RANBP17: variants seen among roughly 807,000 people sequenced by gnomAD.
RANBP17 encodes the protein ran-binding protein 17.
Under a neutral mutation model 141.2 loss-of-function variants are expected in RANBP17, and 158 were observed. The ratio of observed to expected loss-of-function variants is 1.12; its 90% CI spans 0.98 to 1.28. The LOEUF (loss-of-function observed/expected upper bound fraction) is 1.28, where lower values mean the gene tolerates loss of function less well. Among genes scored for constraint, RANBP17 ranks in the 50% most tolerant of loss-of-function variants. The pLI, the probability that RANBP17 is intolerant of heterozygous loss-of-function variation, is 0.00. For synonymous variants in RANBP17, 430 were observed against 450.0 expected (o/e 0.96, Z 0.56); for missense variants, 1,438 against 1,290.7 (o/e 1.11, Z -1.75).
At chr5:171,254,076 T>C (rs994115774) in intron 24 of RANBP17, among the ~76,000 whole-genome samples, 2 of 152,004 alleles carry the variant, frequency 1.3e-5, no homozygotes, top group South Asian at 2.1e-4. Context: ...TGAAACCCAG[T>C]CTCTACTAAA....
At chr5:171,230,113 T>G (rs1764121260) in intron 22 of RANBP17, among the ~76,000 whole-genome samples, 1 of 151,984 alleles carries the variant, frequency 6.6e-6, no homozygotes, top group African/African-American at 2.4e-5. Flanking sequence ...TTAAGGAACT[T>G]AAGTCCAGCA....
intron 25 of RANBP17, among the ~76,000 whole-genome samples, chr5:171,274,503 ATGAC>A (rs1767373197): frequency 6.6e-6 from 1 of 152,178 alleles, no homozygotes; most frequent in African/African-American, 2.4e-5. Context: ...TATTTGATGA[ATGAC>A]TATTTCAATG....
intron 14 of RANBP17, among the ~76,000 whole-genome samples, chr5:171,114,559 A>G (rs1033486114): frequency 1.3e-5 from 2 of 151,724 alleles, no homozygotes; most frequent in African/African-American, 4.8e-5. Context: ...GACAACTGGT[A>G]TATCACTACC....
chr5:171,077,516 A>G (rs1785007477), intron 14 of RANBP17, among the ~76,000 whole-genome samples: 1 of 152,182 alleles, frequency 6.6e-6, no homozygotes, highest in Non-Finnish European at 1.5e-5. Flanking sequence ...AAATCGCCCT[A>G]AAAGAGAAGA....
intron 14 of RANBP17, among the ~76,000 whole-genome samples, chr5:171,079,409 T>C (rs1165578861): frequency 2.0e-5 from 3 of 152,252 alleles, no homozygotes; most frequent in African/African-American, 7.2e-5. Flanking sequence ...GATAAAGTGA[T>C]GGCAAGGTTT....
At position 171,194,285 on chromosome 5, in the gene RANBP17, G is replaced by T. The variant is rs562524069; in HGVS notation, c.2039-5385G>T. 9.3e-4 allele frequency among the ~76,000 whole-genome samples: 141 copies of T among 152,168 alleles called. 1 individual carries two copies. The highest frequency in any genetic ancestry group is 3.3e-3 in the African/African-American group (136 of 41,514). On this transcript the variant is annotated intron_variant, in intron 18 of 27. Coordinates refer to ENST00000523189, the MANE Select transcript of RANBP17 (RefSeq NM_022897.5). Reference sequence around the variant, plus strand: ...GTATATTCAGAATATTCATAAAATTGTGCAGCCATCACCATTATCTAATTC... The same window carrying T: ...GTATATTCAGAATATTCATAAAATTTTGCAGCCATCACCATTATCTAATTC...
chr5:171,145,344 C>T lies in RANBP17; in HGVS notation c.1711-24786C>T, dbSNP rs566182156. ...TTCTCTGTCTCCAAACCTTAGATCA[C>T]CTGTGCTTTAAAATAAAATCTGTAT... On this transcript the variant is annotated intron_variant, in intron 14 of 27. Transcript: ENST00000523189. 5.5e-4 allele frequency among the ~76,000 whole-genome samples: 84 copies of T among 152,202 alleles called. 2 individuals are homozygous for T. The South Asian group carries it at 0.01, about 19-fold the overall frequency.
At chr5:170,962,836 T>G (rs983871197) in intron 13 of RANBP17, among the ~76,000 whole-genome samples, 1 of 152,194 alleles carries the variant, frequency 6.6e-6, no homozygotes, top group Non-Finnish European at 1.5e-5. Context: ...TTTATAAATA[T>G]AGGAAATAAT....
At chr5:171,114,535 T>C (rs1031757749) in intron 14 of RANBP17, among the ~76,000 whole-genome samples, 5 of 151,752 alleles carry the variant, frequency 3.3e-5, no homozygotes, top group African/African-American at 1.2e-4. Flanking sequence ...TATATTTCAG[T>C]ATATCACTGG....
At chr5:171,289,840 G>A (rs1768379170) in intron 25 of RANBP17, among the ~76,000 whole-genome samples, 1 of 151,820 alleles carries the variant, frequency 6.6e-6, no homozygotes, top group Non-Finnish European at 1.5e-5. Flanking sequence ...GACCAGCCAG[G>A]CCAACATGGT....
At chr5:171,046,062 T>G (rs1782562489) in intron 14 of RANBP17, among the ~76,000 whole-genome samples, 1 of 152,172 alleles carries the variant, frequency 6.6e-6, no homozygotes, top group South Asian at 2.1e-4. Flanking sequence ...TGTCTCCTTC[T>G]TCCCAAATTA....
intron 18 of RANBP17, among the ~76,000 whole-genome samples, chr5:171,194,089 C>T (rs751963474): frequency 5.9e-5 from 9 of 152,102 alleles, no homozygotes; most frequent in Non-Finnish European, 1.0e-4. Context: ...CCCCCAACTC[C>T]CCAGTAATCC....
intron 5 of RANBP17, among the ~76,000 whole-genome samples, chr5:170,908,460 A>G (rs967519553): frequency 1.3e-5 from 2 of 151,728 alleles, no homozygotes; most frequent in Admixed American, 6.6e-5. Flanking sequence ...GGAGTTAAAC[A>G]CTAGATACTT....
intron 14 of RANBP17, among the ~76,000 whole-genome samples, chr5:171,021,999 GT>G (rs1780890921): frequency 6.6e-6 from 1 of 151,942 alleles, no homozygotes; most frequent in Non-Finnish European, 1.5e-5. Context: ...TTGTTGCATT[GT>G]TTGTTTGTTT....
intron 14 of RANBP17, among the ~76,000 whole-genome samples, chr5:170,991,570 CG>C (rs1778512203): frequency 6.6e-6 from 1 of 151,824 alleles, no homozygotes; most frequent in South Asian, 2.1e-4. Flanking sequence ...AATAAAGATG[CG>C]GGAAGCAGCT....
chr5:170,975,988 AAAAACAAAAC>A lies in RANBP17; in HGVS notation c.1710+7626_1710+7635del, dbSNP rs36210165. Among the ~76,000 whole-genome samples, 5 of 149,994 alleles carry A rather than the reference AAAAACAAAAC, an allele frequency of 3.3e-5. 1 individual carries two copies. The highest frequency in any genetic ancestry group is 3.0e-5 in the Non-Finnish European group (2 of 67,350). Reference sequence around the variant, plus strand: ...GGGGTTCTATTGAGATAAATAGGCAAAAAACAAAACAAAACAAAACAAAAAGGCATCCAGA... The same window carrying A: ...GGGGTTCTATTGAGATAAATAGGCAAAAAACAAAACAAAAAGGCATCCAGA... On this transcript the variant is annotated intron_variant, in intron 14 of 27. Coordinates refer to ENST00000523189, the MANE Select transcript of RANBP17 (RefSeq NM_022897.5).
intron 12 of RANBP17, among the ~76,000 whole-genome samples, chr5:170,935,405 A>G (rs1181502644): frequency 6.6e-6 from 1 of 152,210 alleles, no homozygotes; most frequent in Non-Finnish European, 1.5e-5. Flanking sequence ...TAGAATTCTC[A>G]GCTTTTCTGC....
intron 25 of RANBP17, among the ~76,000 whole-genome samples, chr5:171,291,534 T>G (rs1381235011): frequency 2.6e-5 from 4 of 152,188 alleles, no homozygotes; most frequent in Admixed American, 1.3e-4. Flanking sequence ...TGGTGCAGAA[T>G]TGCCAAGAGC....
chr5:171,016,056 C>T (rs1444874288), intron 14 of RANBP17, among the ~76,000 whole-genome samples: 1 of 152,010 alleles, frequency 6.6e-6, no homozygotes, highest in Non-Finnish European at 1.5e-5. Flanking sequence ...CTACTTTGAC[C>T]TCTGGATTTC....
Sources: gnomAD v4.1 joint callset for allele counts (sites outside exome capture counted in the v4.1 genomes callset) on GRCh38, gnomAD v4.1.1 for gene constraint, MANE v1.5 for transcripts, NCBI Gene and HGNC (gene_info 2026-07-23, HGNC 2026-07-21) for gene names.